BBS9: variants seen among roughly 807,000 people sequenced by gnomAD.
The protein encoded by BBS9 is protein PTHB1.
In BBS9, 89 loss-of-function variants were observed where a neutral mutation model predicts 117.7. That is an observed-to-expected ratio of 0.76 (90% CI 0.64 to 0.90). BBS9 has a LOEUF of 0.90. Ranked by LOEUF, BBS9 falls within the 40% of genes least tolerant of loss-of-function variation. The pLI is 0.00. For synonymous variants in BBS9, 379 were observed against 370.9 expected (o/e 1.02, Z -0.25); for missense variants, 982 against 1,042.2 (o/e 0.94, Z 0.80).
intron 9 of BBS9, among the ~76,000 whole-genome samples, chr7:33,322,356 CTTTTT>C (rs35411730): frequency 4.0e-5 from 3 of 74,158 alleles, no homozygotes; most frequent in African/African-American, 9.4e-5. Flanking sequence ...GGGTCTCAGG[CTTTTT>C]TTTTTTTTTT....
chr7:33,444,234 A>G (rs1371780631), intron 19 of BBS9, among the ~76,000 whole-genome samples: 1 of 152,240 alleles, frequency 6.6e-6, no homozygotes, highest in African/African-American at 2.4e-5. Flanking sequence ...ATCATTCTGC[A>G]TCTTGATACC....
intron 9 of BBS9, among the ~76,000 whole-genome samples, chr7:33,328,959 T>A (rs1279705658): frequency 6.6e-6 from 1 of 151,388 alleles, no homozygotes; most frequent in East Asian, 1.9e-4. Context: ...AAATAGAACT[T>A]TTTTTTTCTT....
At chr7:33,298,187 A>G (rs1404195814) in intron 9 of BBS9, among the ~76,000 whole-genome samples, 1 of 152,044 alleles carries the variant, frequency 6.6e-6, no homozygotes, top group Non-Finnish European at 1.5e-5. Context: ...ACACATAGGA[A>G]TATTTTTTAA....
intron 15 of BBS9, among the ~76,000 whole-genome samples, chr7:33,353,205 AAAAG>A (rs1479431297): frequency 2.6e-5 from 4 of 152,186 alleles, no homozygotes; most frequent in African/African-American, 4.8e-5. Context: ...TATTTTACCT[AAAAG>A]AAAGAAAGAG....
chr7:33,568,583 G>T (rs978703641), intron 21 of BBS9, among the ~76,000 whole-genome samples: 1 of 152,186 alleles, frequency 6.6e-6, no homozygotes, highest in African/African-American at 2.4e-5. Flanking sequence ...TGAGTTGAGT[G>T]TATGCATGAA....
At chr7:33,357,324 A>G (rs1252211276) in intron 15 of BBS9, among the ~76,000 whole-genome samples, 10 of 151,822 alleles carry the variant, frequency 6.6e-5, no homozygotes, top group African/African-American at 2.2e-4. Context: ...ATGGACTTCA[A>G]TAGAACTTCA....
chr7:33,432,796 T>C (rs938324196), intron 19 of BBS9, among the ~76,000 whole-genome samples: 2 of 151,558 alleles, frequency 1.3e-5, no homozygotes, highest in South Asian at 2.1e-4. Context: ...CTTTTTTTTT[T>C]CAAGGTATTT....
At chr7:33,324,688 T>C (rs996425081) in intron 9 of BBS9, among the ~76,000 whole-genome samples, 1 of 152,164 alleles carries the variant, frequency 6.6e-6, no homozygotes, top group Non-Finnish European at 1.5e-5. Flanking sequence ...TCAGCTTTTG[T>C]TTGTCTGGGA....
chr7:33,347,728 T>A (rs1817866386), intron 12 of BBS9, among the ~76,000 whole-genome samples: 1 of 151,510 alleles, frequency 6.6e-6, no homozygotes. Flanking sequence ...TATTCTTGTA[T>A]ATATAAAAAT....
intron 21 of BBS9, among the ~76,000 whole-genome samples, chr7:33,628,495 A>T (rs769295900): frequency 1.1e-4 from 16 of 152,244 alleles, no homozygotes; most frequent in Non-Finnish European, 2.1e-4. Flanking sequence ...GATGAAATTC[A>T]GTACCTATTA....
chr7:33,547,090 A>G (rs998149174), intron 21 of BBS9, among the ~76,000 whole-genome samples: 3 of 152,170 alleles, frequency 2.0e-5, no homozygotes, highest in African/African-American at 4.8e-5. Context: ...ACAATCTCAT[A>G]TACTCTTCAC....
intron 1 of BBS9, among the ~76,000 whole-genome samples, chr7:33,137,400 C>T (rs1272226950): frequency 6.6e-6 from 1 of 152,154 alleles, no homozygotes; most frequent in Non-Finnish European, 1.5e-5. Flanking sequence ...GAGCGCAGGG[C>T]TCCTGGCCCT....
At chr7:33,499,687 A>G (rs972195841) in intron 19 of BBS9, among the ~76,000 whole-genome samples, 2 of 152,200 alleles carry the variant, frequency 1.3e-5, no homozygotes, top group African/African-American at 4.8e-5. Flanking sequence ...TTGCTTGTAT[A>G]TGAATTCTGG....
chr7:33,190,543 G>A (rs534088905), intron 5 of BBS9, among the ~76,000 whole-genome samples: 7 of 152,284 alleles, frequency 4.6e-5, no homozygotes, highest in Middle Eastern at 3.4e-3. Flanking sequence ...ACTGGCTAAC[G>A]TCACTTGAGC....
intron 2 of BBS9, among the ~76,000 whole-genome samples, chr7:33,151,690 CG>C (rs1793350295): frequency 6.6e-6 from 1 of 151,838 alleles, no homozygotes; most frequent in Non-Finnish European, 1.5e-5. Flanking sequence ...GCTGGGATTA[CG>C]GGCATGCGCC....
intron 3 of BBS9, among the ~76,000 whole-genome samples, chr7:33,154,647 G>A (rs1793840606): frequency 6.6e-6 from 1 of 151,998 alleles, no homozygotes; most frequent in Non-Finnish European, 1.5e-5. Flanking sequence ...TGTATTTTTA[G>A]TAGAGACAGG....
intron 5 of BBS9, among the ~76,000 whole-genome samples, chr7:33,222,983 A>G (rs1346201845): frequency 2.6e-5 from 4 of 151,680 alleles, no homozygotes; most frequent in African/African-American, 9.7e-5. Flanking sequence ...AAAAATTCCT[A>G]GTGGCTCCCA....
At chr7:33,611,514 TATA>T (rs928880910) in intron 21 of BBS9, among the ~76,000 whole-genome samples, 1 of 141,940 alleles carries the variant, frequency 7.0e-6, no homozygotes, top group South Asian at 2.1e-4. Flanking sequence ...GTATATTATA[TATA>T]ATATTAAAGT....
At chr7:33,578,520 A>G (rs548886048) in intron 21 of BBS9, among the ~76,000 whole-genome samples, 2 of 152,262 alleles carry the variant, frequency 1.3e-5, no homozygotes, top group South Asian at 2.1e-4. Flanking sequence ...ACTGCTCTAC[A>G]TATTTCTCTT....
Sources: gnomAD v4.1 joint callset for allele counts (sites outside exome capture counted in the v4.1 genomes callset) on GRCh38, gnomAD v4.1.1 for gene constraint, MANE v1.5 for transcripts, NCBI Gene and HGNC (gene_info 2026-07-23, HGNC 2026-07-21) for gene names.